Variants in ZZEF1 observed in about 807,000 individuals in gnomAD.
The protein encoded by ZZEF1 is zinc finger ZZ-type and EF-hand domain containing 1.
A neutral mutation model predicts 342.8 loss-of-function variants in ZZEF1; 157 were observed. The observed-to-expected ratio is 0.46, with a 90% confidence interval of 0.40 to 0.52. ZZEF1 has a LOEUF of 0.52. Among genes scored for constraint, ZZEF1 ranks in the 20% least tolerant of loss-of-function variants. ZZEF1 has a pLI of 0.00. For synonymous variants in ZZEF1, 1,505 were observed against 1,429.1 expected (o/e 1.05, Z -1.20); for missense variants, 3,480 against 3,725.6 (o/e 0.93, Z 1.72).
chr17:4,022,680 G>A (rs1298831856), intron 44 of ZZEF1, 29 bp downstream of exon 44: 3 of 1,613,162 alleles, frequency 1.9e-6, no homozygotes, highest in Non-Finnish European at 2.5e-6. Context: ...CACCAGGAAA[G>A]AGGAGCAGGA....
chr17:4,036,560 C>A (rs1035141438), intron 39 of ZZEF1, among the ~76,000 whole-genome samples: 3 of 151,914 alleles, frequency 2.0e-5, no homozygotes, highest in African/African-American at 7.3e-5. Context: ...CATGGTGAAA[C>A]CTCATCTCTA....
intron 16 of ZZEF1, 70 bp downstream of exon 16, chr17:4,085,600 G>A (rs774874202): frequency 1.3e-6 from 2 of 1,590,370 alleles, no homozygotes; most frequent in Non-Finnish European, 1.7e-6. Context: ...ATATTCAGAG[G>A]TAACAAAGCC....
At chr17:4,093,252 C>G (rs2057977251) in intron 11 of ZZEF1, among the ~76,000 whole-genome samples, 1 of 152,168 alleles carries the variant, frequency 6.6e-6, no homozygotes, top group African/African-American at 2.4e-5. Flanking sequence ...AGTGTCATCT[C>G]TAGTTATTAC....
At chr17:4,121,215 C>G (rs2058477074) in intron 2 of ZZEF1, among the ~76,000 whole-genome samples, 2 of 152,202 alleles carry the variant, frequency 1.3e-5, no homozygotes, top group Non-Finnish European at 2.9e-5. Flanking sequence ...GGTCTCAATC[C>G]CTCTGCTTTC....
At chr17:4,029,894 AAGAC>A (rs1168780631) in intron 42 of ZZEF1, among the ~76,000 whole-genome samples, 4 of 147,210 alleles carry the variant, frequency 2.7e-5, no homozygotes, top group Non-Finnish European at 6.0e-5. Flanking sequence ...AAAAAAAAAA[AAGAC>A]AGAAACCAGA....
At chr17:4,105,349 G>T (rs945806928) in intron 7 of ZZEF1, among the ~76,000 whole-genome samples, 2 of 152,162 alleles carry the variant, frequency 1.3e-5, no homozygotes, top group Non-Finnish European at 2.9e-5. Context: ...AGTTCTGTAG[G>T]TAATCAGGCT....
chr17:4,050,639 A>C (rs1225174253), intron 36 of ZZEF1, 142 bp downstream of exon 36: 2 of 1,168,394 alleles, frequency 1.7e-6, no homozygotes, highest in Non-Finnish European at 2.4e-6. Context: ...CTTAAAAATT[A>C]AGTTCCACAC....
In ZZEF1 at chr17:4,004,773, G is replaced by C. The variant is rs552282663; in HGVS notation, c.*2117C>G. ...GCCTGGGGCTCCTGGAAAGCGCCGG[G>C]ACGCGGCGGCTCTGGCTCGGCAGCG... On this transcript the variant is annotated 3_prime_UTR_variant, in exon 55 of 55. Transcript: ENST00000381638. 2 of 152,264 alleles carry C rather than the reference G, an allele frequency of 1.3e-5. No individual in the cohort carries two copies. Among genetic ancestry groups the C allele is most frequent in the Admixed American group, 6.5e-5 (1 of 15,288 alleles). 9.4% of individuals were successfully genotyped at this position (152,264 alleles called of 1,614,324 possible).
rs2058524990 is a variant in ZZEF1 at position 4,123,568 on chromosome 17, A to C, written c.499+339T>G. On this transcript the variant is annotated intron_variant, in intron 2 of 54. Transcript: ENST00000381638. ...ACACTTTACTAATAATTGAATAATGAATTGATCAATTACAATGGTAATATG... is the reference window on the plus strand; with the variant it reads ...ACACTTTACTAATAATTGAATAATGCATTGATCAATTACAATGGTAATATG... Among the ~76,000 whole-genome samples the C allele has an allele frequency of 3.3e-5, 5 of 152,222 alleles. No individual in the cohort carries two copies. The South Asian group carries it at 8.3e-4, about 25-fold the overall frequency.
Position 4,082,491 on chromosome 17 carries a change from T to C in ZZEF1, c.2660A>G (p.Gln887Arg). 6.2e-6 allele frequency: 10 copies of C among 1,614,106 alleles called. No homozygotes were observed. The highest frequency in any genetic ancestry group is 7.6e-6 in the Non-Finnish European group (9 of 1,179,994). Residue 887 changes from glutamine to arginine, a missense_variant, in exon 17 of 55, where the codon CAG becomes CGG. Transcript: ENST00000381638. ...HLFTMMNVTE[Q>R]EHKQSLQLTF... The stretch of plus-strand genomic sequence containing the variant: ...GAGCTGCAGGGACTGCTTGTGCTCC[T>C]GCTCGGTGACATTCTTCTAGAAAAC...
intron 29 of ZZEF1, 44 bp downstream of exon 29, chr17:4,064,317 C>T (rs748227386): frequency 8.1e-6 from 12 of 1,486,674 alleles, no homozygotes; most frequent in Non-Finnish European, 1.1e-5. Context: ...TGGGTACCTA[C>T]GGCTTAAAAA....
At position 4,034,177 on chromosome 17, in the gene ZZEF1, C is replaced by T. The variant is rs761241333; in HGVS notation, c.6422G>A (p.Gly2141Asp). Reference sequence around the variant, plus strand: ...TGGCAAAAGACGGATAATTAACTGGCCGAGAAGACCCAGGGTGAGATGGTA... The same window carrying T: ...TGGCAAAAGACGGATAATTAACTGGTCGAGAAGACCCAGGGTGAGATGGTA... ...ETYHLTLGLLGQLIIRLLPAE... is the reference protein window; with the variant it reads ...ETYHLTLGLLDQLIIRLLPAE... The change falls in exon 40 of 55, where the codon GGC becomes GAC. Residue 2141 changes from glycine to aspartate, a missense_variant. Coordinates refer to ENST00000381638, the MANE Select transcript of ZZEF1 (RefSeq NM_015113.4). 10 of 1,614,066 alleles carry T rather than the reference C, an allele frequency of 6.2e-6. No homozygotes were observed. The highest frequency in any genetic ancestry group is 7.6e-6 in the Non-Finnish European group (9 of 1,180,048).
chr17:4,091,874 C>G (rs993289109), intron 11 of ZZEF1, among the ~76,000 whole-genome samples: 1 of 150,496 alleles, frequency 6.6e-6, no homozygotes, highest in African/African-American at 2.4e-5. Flanking sequence ...GTCAGGAATT[C>G]GAGACCAGCC....
chr17:4,035,854 C>T (rs1286848850), intron 39 of ZZEF1, among the ~76,000 whole-genome samples: 4 of 152,228 alleles, frequency 2.6e-5, no homozygotes, highest in African/African-American at 9.6e-5. Flanking sequence ...AATCCCAGCA[C>T]TTTGGGAGGC....
intron 13 of ZZEF1, among the ~76,000 whole-genome samples, chr17:4,087,741 A>ATATG (rs779337775): frequency 6.6e-6 from 1 of 151,692 alleles, no homozygotes; most frequent in African/African-American, 2.4e-5. Context: ...TGTGTGTGTT[A>ATATG]TATGTATGTA....
chr17:4,077,788 T>C (rs1350899512), intron 19 of ZZEF1, 95 bp downstream of exon 19: 4 of 1,322,304 alleles, frequency 3.0e-6, no homozygotes, highest in Admixed American at 3.8e-5. Context: ...AAGAAAGCCA[T>C]ATGCACACTC....
chr17:4,126,572 G>C (rs1175770472), intron 1 of ZZEF1, among the ~76,000 whole-genome samples: 2 of 152,222 alleles, frequency 1.3e-5, no homozygotes, highest in Admixed American at 6.5e-5. Flanking sequence ...GAAGGAAGCT[G>C]TCCCATGCTG....
intron 19 of ZZEF1, among the ~76,000 whole-genome samples, chr17:4,077,466 G>A (rs1169621953): frequency 1.3e-5 from 2 of 152,144 alleles, no homozygotes; most frequent in Non-Finnish European, 2.9e-5. Flanking sequence ...TGAGTTTACA[G>A]AACATGAATC....
intron 26 of ZZEF1, among the ~76,000 whole-genome samples, chr17:4,068,945 A>G (rs779023869): frequency 2.6e-5 from 4 of 152,218 alleles, no homozygotes; most frequent in Non-Finnish European, 5.9e-5. Context: ...TAGACATATA[A>G]TATCTATATC....
Sources: allele counts gnomAD v4.1 joint callset (sites outside exome capture counted in the v4.1 genomes callset), GRCh38; gene constraint gnomAD v4.1.1; transcripts MANE v1.5; gene names NCBI Gene and HGNC (gene_info 2026-07-23, HGNC 2026-07-21).